CNTNAP5: variants seen among roughly 807,000 people sequenced by gnomAD.
CNTNAP5 encodes the protein contactin-associated protein-like 5.
In CNTNAP5, 72 loss-of-function variants were observed where a neutral mutation model predicts 150.2. The ratio of observed to expected loss-of-function variants is 0.48; its 90% CI spans 0.40 to 0.58. The LOEUF is 0.58. Ranked by LOEUF, CNTNAP5 falls within the 20% of genes least tolerant of loss-of-function variation. CNTNAP5 has a pLI of 0.00. For missense variants in CNTNAP5, 1,636 were observed against 1,626.2 expected (o/e 1.01, Z -0.10); for synonymous variants, 672 against 619.8 (o/e 1.08, Z -1.25).
chr2:124,385,985 A>C (rs942239214), intron 3 of CNTNAP5, among the ~76,000 whole-genome samples: 1 of 132,336 alleles, frequency 7.6e-6, no homozygotes, highest in Non-Finnish European at 1.7e-5. Context: ...GAGCACGTAG[A>C]CAACATCGAT....
At position 124,916,482 on chromosome 2, in the gene CNTNAP5, C is replaced by T. The variant is rs143834154; in HGVS notation, c.*2194C>T. Among the ~76,000 whole-genome samples the T allele has an allele frequency of 9.1e-3, 1,387 of 152,032 alleles. 11 individuals carry two copies. The highest frequency in any genetic ancestry group is 0.013 in the Non-Finnish European group (915 of 67,968). ...CACCATGAAGTGTAGTAGGTTTAGCCTGAAGCAGCTCCAATAATGAAATAG... is the reference window on the plus strand; with the variant it reads ...CACCATGAAGTGTAGTAGGTTTAGCTTGAAGCAGCTCCAATAATGAAATAG... On this transcript the variant is annotated 3_prime_UTR_variant, in exon 24 of 24. Transcript: ENST00000682447.
chr2:124,245,543 T>A (rs1573863666), intron 3 of CNTNAP5, among the ~76,000 whole-genome samples: 1 of 151,794 alleles, frequency 6.6e-6, no homozygotes, highest in South Asian at 2.1e-4. Flanking sequence ...GGCTTAAAGG[T>A]GGTTTATCAA....
chr2:124,727,342 A>AT (rs1680179519), intron 13 of CNTNAP5, among the ~76,000 whole-genome samples: 2 of 151,776 alleles, frequency 1.3e-5, no homozygotes, highest in Admixed American at 1.3e-4. Context: ...TTGTAGAATC[A>AT]TTTTTTCCTT....
intron 2 of CNTNAP5, among the ~76,000 whole-genome samples, chr2:124,222,078 A>G (rs1686335656): frequency 6.6e-6 from 1 of 152,102 alleles, no homozygotes. Context: ...TATAAAAAGC[A>G]CTTGCTTTAT....
At chr2:124,665,385 T>A (rs1478372627) in intron 13 of CNTNAP5, among the ~76,000 whole-genome samples, 1 of 152,232 alleles carries the variant, frequency 6.6e-6, no homozygotes, top group Non-Finnish European at 1.5e-5. Flanking sequence ...AACGTCAAAA[T>A]TAGCTTTACT....
At chr2:124,420,050 G>A (rs1692061324) in intron 4 of CNTNAP5, among the ~76,000 whole-genome samples, 1 of 142,290 alleles carries the variant, frequency 7.0e-6, no homozygotes, top group Non-Finnish European at 1.5e-5. Context: ...GGAGTGCATG[G>A]CATGATCTCA....
chr2:124,235,787 T>C (rs1454869311), intron 2 of CNTNAP5, among the ~76,000 whole-genome samples: 1 of 152,168 alleles, frequency 6.6e-6, no homozygotes, highest in Admixed American at 6.5e-5. Flanking sequence ...CTGATTATTA[T>C]CCAAAATCAC....
chr2:124,569,981 TA>T (rs1422878046), intron 11 of CNTNAP5, among the ~76,000 whole-genome samples: 1 of 152,204 alleles, frequency 6.6e-6, no homozygotes, highest in African/African-American at 2.4e-5. Context: ...CTCACACTTG[TA>T]CCAGTCACAT....
chr2:124,864,891 A>G lies in CNTNAP5; in HGVS notation c.3218-415A>G, dbSNP rs190298827. 1.4e-3 allele frequency among the ~76,000 whole-genome samples: 206 copies of G among 152,284 alleles called. 1 individual carries two copies. The highest frequency in any genetic ancestry group is 4.7e-3 in the African/African-American group (195 of 41,554). On this transcript the variant is annotated intron_variant, in intron 19 of 23. Transcript: ENST00000682447. ...ATATCAACGGGTGATAACAGGACTG[A>G]GTTCTCTTTCCAGTCCTTAGATATA...
rs1401376617 is a variant in CNTNAP5 at position 124,798,335 on chromosome 2, A to C, written c.3217+15A>C. 3 of 1,576,560 alleles carry C rather than the reference A, an allele frequency of 1.9e-6. No individual in the cohort carries two copies. Among genetic ancestry groups the C allele is most frequent in the Non-Finnish European group, 8.7e-7 (1 of 1,146,150 alleles). On this transcript the variant is annotated intron_variant, in intron 19 of 23. Transcript: ENST00000682447. ...CTGCAAGAATGGTGAGTGTGATGGC[A>C]TGATACCCAGCGGAGTCTCAGCCTG... is the stretch of plus-strand genomic sequence containing the variant.
chr2:124,279,271 T>C (rs964699020), intron 3 of CNTNAP5, among the ~76,000 whole-genome samples: 1 of 151,874 alleles, frequency 6.6e-6, no homozygotes, highest in South Asian at 2.1e-4. Context: ...GTGTTTTAAA[T>C]TGGTGAGCTT....
At chr2:124,597,294 C>T (rs1696851256) in intron 11 of CNTNAP5, among the ~76,000 whole-genome samples, 1 of 150,560 alleles carries the variant, frequency 6.6e-6, no homozygotes, top group Non-Finnish European at 1.5e-5. Flanking sequence ...TTGTTCCTTT[C>T]CATGTTTAGC....
intron 13 of CNTNAP5, among the ~76,000 whole-genome samples, chr2:124,736,846 A>C (rs1350855984): frequency 6.6e-6 from 1 of 152,160 alleles, no homozygotes; most frequent in African/African-American, 2.4e-5. Context: ...ATATGTAGTT[A>C]GTTCTTAGTG....
Position 124,593,894 on chromosome 2 carries a change from G to A in CNTNAP5, c.1757-15907G>A, listed in dbSNP as rs1237587154. On this transcript the variant is annotated intron_variant, in intron 11 of 23. Transcript: ENST00000682447. Reference sequence around the variant, plus strand: ...CATTTCTCTGATGGCCAGTGATGATGAGCATTTTTTCATGTGTTTTTTGGC... The same window carrying A: ...CATTTCTCTGATGGCCAGTGATGATAAGCATTTTTTCATGTGTTTTTTGGC... 4.0e-5 allele frequency among the ~76,000 whole-genome samples: 3 copies of A among 75,236 alleles called. 1 individual carries two copies. The highest frequency in any genetic ancestry group is 1.4e-4 in the African/African-American group (3 of 20,942). 49.4% of individuals were successfully genotyped at this position (75,236 alleles called of 152,430 possible).
At chr2:124,706,244 GA>G (rs142590123) in intron 13 of CNTNAP5, among the ~76,000 whole-genome samples, 3,895 of 150,328 alleles carry the variant, frequency 0.026, 174 homozygotes, top group African/African-American at 0.091. Context: ...GGTTTGAAAA[GA>G]AAAAAAAAGA....
chr2:124,914,778 A>G lies in CNTNAP5; in HGVS notation c.*490A>G, dbSNP rs1678728975. 6.5e-6 allele frequency: 1 copy of G among 152,816 alleles called. No homozygotes were observed. 9.5% of individuals were successfully genotyped at this position (152,816 alleles called of 1,614,324 possible). A position where few individuals can be genotyped will look rare whatever the true frequency, so the allele number is the denominator to read the frequency against. ...CCTGGTTTGCTTTGGTGGCATTGTA[A>G]AAAGAGTAAGAGAGGTTTGGTTTGT... On this transcript the variant is annotated 3_prime_UTR_variant, in exon 24 of 24. Transcript: ENST00000682447.
chr2:124,189,837 G>T (rs1685420079), intron 1 of CNTNAP5, among the ~76,000 whole-genome samples: 1 of 152,172 alleles, frequency 6.6e-6, no homozygotes, highest in Non-Finnish European at 1.5e-5. Flanking sequence ...GGGCATAGGG[G>T]ATGAAGGTAT....
At chr2:124,664,520 G>T (rs1283680640) in intron 13 of CNTNAP5, among the ~76,000 whole-genome samples, 1 of 152,108 alleles carries the variant, frequency 6.6e-6, no homozygotes. Flanking sequence ...CACCCGGAGT[G>T]ATAGAGTAGC....
intron 13 of CNTNAP5, among the ~76,000 whole-genome samples, chr2:124,648,723 G>A (rs1160237909): frequency 1.3e-5 from 2 of 152,066 alleles, no homozygotes; most frequent in African/African-American, 2.4e-5. Flanking sequence ...TGTAAGATAG[G>A]GTTCATCAAA....
Sources: allele counts gnomAD v4.1 joint callset (sites outside exome capture counted in the v4.1 genomes callset), GRCh38; gene constraint gnomAD v4.1.1; transcripts MANE v1.5; gene names NCBI Gene and HGNC (gene_info 2026-07-23, HGNC 2026-07-21).